Variants in KCNK13 observed in about 807,000 individuals in gnomAD.
The protein encoded by KCNK13 is potassium two pore domain channel subfamily K member 13, also known as potassium channel subfamily K member 13.
KCNK13 carries 12 observed loss-of-function variants against 23.4 expected under a neutral mutation model. That is an observed-to-expected ratio of 0.51 (90% confidence interval 0.33 to 0.83). The LOEUF (loss-of-function observed/expected upper bound fraction) is 0.83. KCNK13 is among the 40% of genes least tolerant of loss of function. The probability of loss-of-function intolerance (pLI) is 0.02; values close to 1 mark genes in which losing one functional copy is unlikely to be tolerated. For missense variants in KCNK13, 463 were observed against 556.3 expected (o/e 0.83, Z 1.69); for synonymous variants, 231 against 229.5 (o/e 1.01, Z -0.06).
chr14:90,126,831 C>T (rs763278560), intron 1 of KCNK13, among the ~76,000 whole-genome samples: 35 of 152,250 alleles, frequency 2.3e-4, no homozygotes, highest in Admixed American at 2.0e-3. Flanking sequence ...GTGTAAGCCA[C>T]GGTGCCCCGC....
At chr14:90,082,607 C>T (rs745428536) in intron 1 of KCNK13, among the ~76,000 whole-genome samples, 1 of 152,194 alleles carries the variant, frequency 6.6e-6, no homozygotes, top group African/African-American at 2.4e-5. Flanking sequence ...TAGTACTTCT[C>T]TCCTTTTTGT....
chr14:90,155,600 T>A (rs1324450071), intron 1 of KCNK13, among the ~76,000 whole-genome samples: 3 of 152,160 alleles, frequency 2.0e-5, no homozygotes, highest in Non-Finnish European at 4.4e-5. Context: ...GGAAAGGTGA[T>A]GAGAAATGGT....
In KCNK13 at chr14:90,166,260, G is replaced by A. The variant is rs75310643; in HGVS notation, c.335-17851G>A. On this transcript the variant is annotated intron_variant, in intron 1 of 1. Transcript: ENST00000282146. Reference sequence around the variant, plus strand: ...AAATTCCAAGAATATCTGTAACTTTGGGAAGAACTGTATTGATAGCGGTAA... The same window carrying A: ...AAATTCCAAGAATATCTGTAACTTTAGGAAGAACTGTATTGATAGCGGTAA... Among the ~76,000 whole-genome samples the A allele has an allele frequency of 4.8e-3, 731 of 152,302 alleles. 3 individuals carry two copies. Among genetic ancestry groups the A allele is most frequent in the African/African-American group, 0.017 (703 of 41,552 alleles).
intron 1 of KCNK13, among the ~76,000 whole-genome samples, chr14:90,176,718 TCA>T (rs1181379022): frequency 6.6e-6 from 1 of 152,118 alleles, no homozygotes; most frequent in Non-Finnish European, 1.5e-5. Flanking sequence ...CATATTTTTC[TCA>T]GTTTAAAAAT....
chr14:90,078,417 C>CA (rs1238686860), intron 1 of KCNK13, among the ~76,000 whole-genome samples: 2,005 of 60,128 alleles, frequency 0.033, 42 homozygotes, highest in South Asian at 0.11. Context: ...AAGACAGTCT[C>CA]AAAAAAAAAA....
chr14:90,147,668 C>T (rs1410542411), intron 1 of KCNK13, among the ~76,000 whole-genome samples: 1 of 151,994 alleles, frequency 6.6e-6, no homozygotes, highest in Admixed American at 6.6e-5. Context: ...TCATCTCTGT[C>T]CATGAGATAT....
rs895769715 is a variant in KCNK13, at chr14:90,066,663, G to C, written c.334+4124G>C. Among the ~76,000 whole-genome samples the C allele has an allele frequency of 2.6e-5, 4 of 152,152 alleles. No individual in the cohort carries two copies. The East Asian group carries it at 7.7e-4, about 29-fold the overall frequency. ...GATATTCACAAACAATATTTTCCTGGAAAATGCTATTGAGGATTTCATGTA... is the reference window on the plus strand; with the variant it reads ...GATATTCACAAACAATATTTTCCTGCAAAATGCTATTGAGGATTTCATGTA... On this transcript the variant is annotated intron_variant, in intron 1 of 1. Transcript: ENST00000282146.
intron 1 of KCNK13, among the ~76,000 whole-genome samples, chr14:90,084,436 G>C (rs1241039904): frequency 6.6e-6 from 1 of 152,040 alleles, no homozygotes; most frequent in African/African-American, 2.4e-5. Context: ...ATTTTGAATT[G>C]TTTATTGCAA....
At chr14:90,136,053 A>C (rs1173670102) in intron 1 of KCNK13, among the ~76,000 whole-genome samples, 1 of 152,112 alleles carries the variant, frequency 6.6e-6, no homozygotes, top group Admixed American at 6.5e-5. Flanking sequence ...TATGGTGGAC[A>C]AGACCAGGGG....
intron 1 of KCNK13, among the ~76,000 whole-genome samples, chr14:90,174,731 A>G (rs1306236496): frequency 2.0e-5 from 3 of 151,788 alleles, no homozygotes; most frequent in African/African-American, 7.3e-5. Flanking sequence ...TTGTAAACCA[A>G]TAGTCCCAGC....
intron 1 of KCNK13, among the ~76,000 whole-genome samples, chr14:90,155,617 C>G (rs1335437626): frequency 6.6e-6 from 1 of 152,084 alleles, no homozygotes; most frequent in East Asian, 1.9e-4. Flanking sequence ...TGGTTGAGTT[C>G]TGAATATATT....
intron 1 of KCNK13, among the ~76,000 whole-genome samples, chr14:90,158,013 T>C (rs1367024120): frequency 6.6e-6 from 1 of 152,206 alleles, no homozygotes; most frequent in East Asian, 1.9e-4. Flanking sequence ...CATTTATTTT[T>C]TCGAAGGATC....
rs564083805 is a variant in KCNK13, at chr14:90,137,390, G to A, written c.335-46721G>A. Among the ~76,000 whole-genome samples, 48 of 151,770 alleles carry A rather than the reference G, an allele frequency of 3.2e-4. 1 individual carries two copies. Among genetic ancestry groups the A allele is most frequent in the African/African-American group, 8.2e-4 (34 of 41,362 alleles). ...GGCTGGAGAGCAGTGGCATGATCTC[G>A]GCTCACTTCAACTTCTGCCTCCCAG... On this transcript the variant is annotated intron_variant, in intron 1 of 1. Coordinates refer to ENST00000282146, the MANE Select transcript of KCNK13 (RefSeq NM_022054.4).
At chr14:90,102,102 C>T (rs960052802) in intron 1 of KCNK13, among the ~76,000 whole-genome samples, 2 of 152,060 alleles carry the variant, frequency 1.3e-5, no homozygotes, top group East Asian at 1.9e-4. Flanking sequence ...AGGCTGGTCT[C>T]GAGCTCCCGA....
chr14:90,153,702 A>C (rs979264738), intron 1 of KCNK13, among the ~76,000 whole-genome samples: 3 of 152,208 alleles, frequency 2.0e-5, no homozygotes, highest in Non-Finnish European at 4.4e-5. Context: ...CATCAGGAGT[A>C]CTGAAAAGGG....
At chr14:90,116,345 C>T (rs1245992427) in intron 1 of KCNK13, among the ~76,000 whole-genome samples, 1 of 152,142 alleles carries the variant, frequency 6.6e-6, no homozygotes, top group Non-Finnish European at 1.5e-5. Flanking sequence ...TAAATATTCT[C>T]GGCATTATGG....
chr14:90,157,176 G>A (rs1890203238), intron 1 of KCNK13, among the ~76,000 whole-genome samples: 2 of 152,116 alleles, frequency 1.3e-5, no homozygotes, highest in South Asian at 4.1e-4. Flanking sequence ...ATATAATCTG[G>A]TAAATTTGTG....
At chr14:90,125,633 A>G (rs1395530113) in intron 1 of KCNK13, among the ~76,000 whole-genome samples, 2 of 152,010 alleles carry the variant, frequency 1.3e-5, no homozygotes, top group African/African-American at 2.4e-5. Context: ...ACACGCGCAC[A>G]CACACACAAT....
chr14:90,090,430 A>T (rs1312344866), intron 1 of KCNK13, among the ~76,000 whole-genome samples: 2 of 152,274 alleles, frequency 1.3e-5, no homozygotes, highest in East Asian at 3.9e-4. Context: ...CTGAACCCCC[A>T]TTGTATTTAG....
Sources: gnomAD v4.1 joint callset for allele counts (sites outside exome capture counted in the v4.1 genomes callset) on GRCh38, gnomAD v4.1.1 for gene constraint, MANE v1.5 for transcripts, NCBI Gene and HGNC (gene_info 2026-07-23, HGNC 2026-07-21) for gene names.